Variants in HHAT observed in about 807,000 individuals in gnomAD.
The protein encoded by HHAT is hedgehog acyltransferase.
In HHAT, 47 loss-of-function variants were observed where a neutral mutation model predicts 70.8. That is an observed-to-expected ratio of 0.66 (90% CI 0.53 to 0.85). HHAT has a LOEUF of 0.85. Among genes scored for constraint, HHAT ranks in the 40% least tolerant of loss-of-function variants. The pLI is 0.00. For synonymous variants in HHAT, 228 were observed against 247.6 expected (o/e 0.92, Z 0.74); for missense variants, 609 against 604.8 (o/e 1.01, Z -0.07).
intron 10 of HHAT, among the ~76,000 whole-genome samples, chr1:210,604,245 A>ATTTTTTT (rs11446633): frequency 7.1e-6 from 1 of 141,582 alleles, no homozygotes; most frequent in Non-Finnish European, 1.5e-5. Context: ...AAGCCCAGCT[A>ATTTTTTT]TTTTTTTTTT....
intron 11 of HHAT, chr1:210,631,030 G>T: frequency 2.2e-6 from 1 of 456,520 alleles, no homozygotes; most frequent in South Asian, 1.5e-5. Context: ...CTCAATCCAT[G>T]TTGGGAGACA....
At chr1:210,499,789 A>T (rs956963856) in intron 8 of HHAT, among the ~76,000 whole-genome samples, 4 of 152,222 alleles carry the variant, frequency 2.6e-5, no homozygotes, top group African/African-American at 9.6e-5. Flanking sequence ...AAAGAGTAGG[A>T]GAGCTTGTTG....
intron 11 of HHAT, among the ~76,000 whole-genome samples, chr1:210,672,986 G>A (rs6659502): frequency 0.73 from 110,527 of 152,142 alleles, 42,779 homozygotes; most frequent in Non-Finnish European, 0.87. Flanking sequence ...TTTCACAGTC[G>A]TTCGTTTCTT....
At chr1:210,362,774 C>T (rs2088485216) in intron 2 of HHAT, 78 bp from the exon 3 acceptor site, 1 of 1,184,418 alleles carries the variant, frequency 8.4e-7, no homozygotes, top group African/African-American at 1.5e-5. Context: ...TAGTCCAATT[C>T]TTTCAGTGCT....
chr1:210,434,251 G>A (rs1014900901), intron 7 of HHAT, among the ~76,000 whole-genome samples: 1 of 151,858 alleles, frequency 6.6e-6, no homozygotes, highest in African/African-American at 2.4e-5. Flanking sequence ...ATAGACCAGG[G>A]TTGAATAATA....
chr1:210,439,337 T>C lies in HHAT; in HGVS notation c.856+21012T>C, dbSNP rs562511637. On this transcript the variant is annotated intron_variant, in intron 7 of 11. Coordinates refer to ENST00000261458, the MANE Select transcript of HHAT (RefSeq NM_018194.6). ...TTCTTATCTCCTGAAATCATTTTATTACTTCCTCTCTTGACTTCCCAAAGA... is the reference window on the plus strand; with the variant it reads ...TTCTTATCTCCTGAAATCATTTTATCACTTCCTCTCTTGACTTCCCAAAGA... 1.1e-4 allele frequency among the ~76,000 whole-genome samples: 17 copies of C among 151,950 alleles called. 1 individual carries two copies. The highest frequency in any genetic ancestry group is 3.9e-4 in the African/African-American group (16 of 41,232).
At chr1:210,458,985 A>G (rs558871826) in intron 7 of HHAT, among the ~76,000 whole-genome samples, 13 of 152,288 alleles carry the variant, frequency 8.5e-5, no homozygotes, top group African/African-American at 2.6e-4. Flanking sequence ...GTAGAATTTG[A>G]CATTCATCTC....
intron 9 of HHAT, among the ~76,000 whole-genome samples, chr1:210,568,615 C>T (rs367699770): frequency 4.0e-4 from 61 of 152,234 alleles, no homozygotes; most frequent in African/African-American, 1.4e-3. Flanking sequence ...TCAAGAGCCC[C>T]GTTAGAGAAT....
At chr1:210,343,609 G>A (rs742688) in intron 1 of HHAT, among the ~76,000 whole-genome samples, 43,041 of 151,996 alleles carry the variant, frequency 0.28, 6,356 homozygotes, top group Admixed American at 0.38. Context: ...AGTACTGCCT[G>A]TCATTCCCTT....
intron 1 of HHAT, among the ~76,000 whole-genome samples, chr1:210,344,270 GTTA>G (rs2086304013): frequency 2.1e-5 from 1 of 48,268 alleles, no homozygotes; most frequent in African/African-American, 1.2e-4. Flanking sequence ...TTGAAACTAT[GTTA>G]TTGTTTCATT....
rs1468177071 is a variant in HHAT at position 210,351,737 on chromosome 1, G to C, written c.91+2671G>C. Among the ~76,000 whole-genome samples, 4 of 152,146 alleles carry C rather than the reference G, an allele frequency of 2.6e-5. No individual in the cohort carries two copies. The East Asian group carries it at 7.7e-4, about 29-fold the overall frequency. ...TGGGGACTGTCAAGTGGAGTACTAT[G>C]GTCCTCTCTAAATGGCTTCATGTGG... On this transcript the variant is annotated intron_variant, in intron 2 of 11. Transcript: ENST00000261458.
intron 11 of HHAT, among the ~76,000 whole-genome samples, chr1:210,656,628 C>A (rs771261354): frequency 6.6e-6 from 1 of 152,190 alleles, no homozygotes; most frequent in Non-Finnish European, 1.5e-5. Flanking sequence ...CAGCAGAGAA[C>A]CCTTGGTCGC....
intron 10 of HHAT, among the ~76,000 whole-genome samples, chr1:210,594,452 T>C (rs1319170483): frequency 1.3e-5 from 2 of 151,810 alleles, no homozygotes; most frequent in Non-Finnish European, 2.9e-5. Context: ...CTCTACACTT[T>C]AACTTTGTTT....
At chr1:210,574,787 A>C (rs1177254634) in intron 9 of HHAT, among the ~76,000 whole-genome samples, 4 of 152,238 alleles carry the variant, frequency 2.6e-5, no homozygotes. Flanking sequence ...GGAACCAGCT[A>C]GGCATTTCTT....
intron 11 of HHAT, among the ~76,000 whole-genome samples, chr1:210,662,157 C>G (rs992205389): frequency 6.6e-6 from 1 of 152,138 alleles, no homozygotes; most frequent in African/African-American, 2.4e-5. Flanking sequence ...ACAATTGGAT[C>G]CCAGAGCTGT....
At chr1:210,403,449 G>A (rs1330858984) in intron 5 of HHAT, among the ~76,000 whole-genome samples, 1 of 152,184 alleles carries the variant, frequency 6.6e-6, no homozygotes, top group African/African-American at 2.4e-5. Flanking sequence ...ATTTTACAGT[G>A]ATTTGAAAAA....
At chr1:210,599,265 A>G (rs1663698849) in intron 10 of HHAT, among the ~76,000 whole-genome samples, 1 of 152,334 alleles carries the variant, frequency 6.6e-6, no homozygotes, top group South Asian at 2.1e-4. Context: ...CATTTTAAAC[A>G]GTGCAGCTCT....
At chr1:210,476,973 A>G (rs192748622) in intron 8 of HHAT, among the ~76,000 whole-genome samples, 1 of 152,356 alleles carries the variant, frequency 6.6e-6, no homozygotes, top group African/African-American at 2.4e-5. Flanking sequence ...GACTGCCTGG[A>G]TGATGGCCAT....
At chr1:210,402,905 G>GGT (rs1010990962) in intron 5 of HHAT, among the ~76,000 whole-genome samples, 16 of 152,270 alleles carry the variant, frequency 1.1e-4, no homozygotes, top group Non-Finnish European at 1.6e-4. Context: ...TGGATGACCT[G>GGT]GTTCCTAGTC....
Sources: allele counts gnomAD v4.1 joint callset (sites outside exome capture counted in the v4.1 genomes callset), GRCh38; gene constraint gnomAD v4.1.1; transcripts MANE v1.5; gene names NCBI Gene and HGNC (gene_info 2026-07-23, HGNC 2026-07-21).